The following EPHA4 variants were observed in gnomAD, a reference collection of about 807,000 sequenced individuals.
EPHA4 encodes EPH receptor A4, also known as ephrin type-A receptor 4.
EPHA4 carries 19 observed loss-of-function variants against 108.3 expected under a neutral mutation model. The observed-to-expected ratio is 0.18, with a 90% CI of 0.12 to 0.26. The LOEUF (loss-of-function observed/expected upper bound fraction) is 0.26. Among genes scored for constraint, EPHA4 ranks in the 10% least tolerant of loss-of-function variants. The probability of loss-of-function intolerance (pLI) is 1.00; values close to 1 mark genes in which losing one functional copy is unlikely to be tolerated. For synonymous variants in EPHA4, 449 were observed against 455.5 expected (o/e 0.99, Z 0.18); for missense variants, 917 against 1,254.0 (o/e 0.73, Z 4.06).
chr2:221,556,458 A>G (rs1245145040), intron 3 of EPHA4, among the ~76,000 whole-genome samples: 24 of 148,130 alleles, frequency 1.6e-4, no homozygotes, highest in Non-Finnish European at 7.4e-5. Context: ...CACCATGCCC[A>G]GCTAATTTTT....
intron 3 of EPHA4, among the ~76,000 whole-genome samples, chr2:221,539,345 TACTC>T (rs1362966688): frequency 1.3e-5 from 2 of 152,180 alleles, no homozygotes; most frequent in Non-Finnish European, 2.9e-5. Flanking sequence ...GCAGAACAAT[TACTC>T]ACTGAGTAAT....
At chr2:221,524,357 G>A (rs1693261374) in intron 3 of EPHA4, among the ~76,000 whole-genome samples, 1 of 152,346 alleles carries the variant, frequency 6.6e-6, no homozygotes, top group African/African-American at 2.4e-5. Context: ...AGTCAAGAGG[G>A]AAAGTGGTAA....
At position 221,571,146 on chromosome 2, in the gene EPHA4, GCACA is replaced by G. The variant is rs749812049; in HGVS notation, c.91+1008_91+1011del. Among the ~76,000 whole-genome samples, 134 of 151,894 alleles carry G rather than the reference GCACA, an allele frequency of 8.8e-4. No individual in the cohort carries two copies. Among genetic ancestry groups the G allele is most frequent in the Non-Finnish European group, 1.6e-3 (111 of 67,936 alleles). ...TACATACACGCAGTTGCACGCGCGC[GCACA>G]CACACAGGCACACACACGCAGACAT... On this transcript the variant is annotated intron_variant, in intron 1 of 17. Transcript: ENST00000281821. This position sits in a 1 kb window ranked among gnomAD's most constrained non-coding sequence, Gnocchi z 6.3.
chr2:221,499,715 A>AATATATATAT (rs369326575), intron 4 of EPHA4, among the ~76,000 whole-genome samples: 4 of 48,450 alleles, frequency 8.3e-5, no homozygotes, highest in East Asian at 7.4e-4. Flanking sequence ...AACTAAAACT[A>AATATATATAT]ATATATATAT....
intron 2 of EPHA4, 48 bp from the exon 3 acceptor site, chr2:221,564,442 A>G (rs1247654992): frequency 6.4e-7 from 1 of 1,552,708 alleles, no homozygotes; most frequent in African/African-American, 1.4e-5. Flanking sequence ...TTCATCATGC[A>G]GTGATTTGTC....
intron 3 of EPHA4, among the ~76,000 whole-genome samples, chr2:221,534,189 G>A (rs576627427): frequency 6.6e-6 from 1 of 152,092 alleles, no homozygotes; most frequent in Admixed American, 6.6e-5. Context: ...TTTAAGAATG[G>A]CCTGCAAGTA....
At chr2:221,483,763 G>C (rs1295144974) in intron 4 of EPHA4, among the ~76,000 whole-genome samples, 1 of 152,118 alleles carries the variant, frequency 6.6e-6, no homozygotes, top group Non-Finnish European at 1.5e-5. Context: ...GCCTCCCAAA[G>C]TGCTGGGATT....
At chr2:221,562,038 T>C (rs550362959) in intron 3 of EPHA4, among the ~76,000 whole-genome samples, 3 of 152,314 alleles carry the variant, frequency 2.0e-5, no homozygotes, top group East Asian at 3.9e-4. Flanking sequence ...CCAGTAACAA[T>C]GCACTCACAT....
At chr2:221,442,578 C>G (rs912812495) in intron 11 of EPHA4, among the ~76,000 whole-genome samples, 1 of 152,174 alleles carries the variant, frequency 6.6e-6, no homozygotes, top group South Asian at 2.1e-4. Flanking sequence ...TGAAGGATGG[C>G]ATGGCATACC....
At chr2:221,513,295 C>G (rs1414830374) in intron 3 of EPHA4, among the ~76,000 whole-genome samples, 1 of 152,208 alleles carries the variant, frequency 6.6e-6, no homozygotes, top group African/African-American at 2.4e-5. Context: ...AAAGGCACTA[C>G]AGAGGCCTGG....
At chr2:221,459,063 C>G (rs1691056326) in intron 5 of EPHA4, among the ~76,000 whole-genome samples, 1 of 152,114 alleles carries the variant, frequency 6.6e-6, no homozygotes, top group Admixed American at 6.5e-5. Context: ...CCCCTAACTC[C>G]AAGGAACAAA....
intron 5 of EPHA4, among the ~76,000 whole-genome samples, chr2:221,470,279 G>A (rs978507088): frequency 1.8e-4 from 27 of 150,698 alleles, no homozygotes; most frequent in African/African-American, 5.4e-4. Flanking sequence ...TGATGATCAC[G>A]GACAGTATAA....
Position 221,501,062 on chromosome 2 carries a change from C to G in EPHA4, c.934G>C (p.Gly312Arg). Residue 312 changes from glycine to arginine, a missense_variant, in exon 4 of 18, where the codon GGC becomes CGC. Gly to Arg is a moderately radical substitution (Grantham distance 125, BLOSUM62 -2). Transcript: ENST00000281821. ...GCATCGTTGTCAGCTCTGAAAAAGC[C>G]TCGGTCACAGGTGCACGAGGTGGCT... ...EGATSCTCDR[G>R]FFRADNDAAS... 6.2e-7 allele frequency: 1 copy of G among 1,613,156 alleles called. No individual in the cohort carries two copies. Among genetic ancestry groups the G allele is most frequent in the Non-Finnish European group, 8.5e-7 (1 of 1,179,562 alleles).
In EPHA4 at chr2:221,564,034, C is replaced by G; in HGVS notation, c.520G>C (p.Gly174Arg). The G allele has an allele frequency of 1.2e-6, 2 of 1,614,040 alleles. No homozygotes were observed. Among genetic ancestry groups the G allele is most frequent in the Non-Finnish European group, 1.7e-6 (2 of 1,180,000 alleles). Residue 174 changes from glycine (G) to arginine (R), a missense_variant, in exon 3 of 18, where the codon GGG becomes CGG. This residue lies in a region of EPHA4 where 758 missense variants were observed against 1,076.7 expected (regional missense o/e 0.70). Coordinates refer to ENST00000281821, the MANE Select transcript of EPHA4 (RefSeq NM_004438.5). Reference sequence around the variant, plus strand: ...TAAAACCCCTTTTTGCTTAATGGCCCTACATCCCGGATCTCGGTGTTCAGC... The same window carrying G: ...TAAAACCCCTTTTTGCTTAATGGCCGTACATCCCGGATCTCGGTGTTCAGC... ...MKLNTEIRDV[G>R]PLSKKGFYLA...
chr2:221,523,445 G>A (rs548290773), intron 3 of EPHA4, among the ~76,000 whole-genome samples: 3 of 151,972 alleles, frequency 2.0e-5, no homozygotes, highest in African/African-American at 2.4e-5. Context: ...GTGCCACCAC[G>A]CCCAGCTAAT....
intron 3 of EPHA4, among the ~76,000 whole-genome samples, chr2:221,553,826 C>T (rs1053556408): frequency 9.9e-5 from 15 of 152,128 alleles, no homozygotes; most frequent in Admixed American, 3.9e-4. Flanking sequence ...GTTTACATTG[C>T]CATTTGCCTT....
At chr2:221,486,875 T>C (rs1345804614) in intron 4 of EPHA4, among the ~76,000 whole-genome samples, 1 of 152,102 alleles carries the variant, frequency 6.6e-6, no homozygotes, top group Non-Finnish European at 1.5e-5. Context: ...TAAAAACTAA[T>C]GAAGTCCTTT....
In EPHA4 at chr2:221,439,353, G is replaced by A. The variant is rs140204829; in HGVS notation, c.2075-2231C>T. On this transcript the variant is annotated intron_variant, in intron 11 of 17. Coordinates refer to ENST00000281821, the MANE Select transcript of EPHA4 (RefSeq NM_004438.5). ...CTCAAAAAAAAAAAAAAAAATTGCC[G>A]GATGCAGTGGTGCACACCTGTAGTC... Among the ~76,000 whole-genome samples, 28 of 149,814 alleles carry A rather than the reference G, an allele frequency of 1.9e-4. No homozygotes were observed. The East Asian group carries it at 4.9e-3, about 26-fold the overall frequency.
chr2:221,492,269 T>C (rs1277666836), intron 4 of EPHA4, among the ~76,000 whole-genome samples: 3 of 152,182 alleles, frequency 2.0e-5, no homozygotes, highest in African/African-American at 7.2e-5. Context: ...TTAGTGTCCC[T>C]CGAATCTTTG....
Sources: gnomAD v4.1 joint callset for allele counts (sites outside exome capture counted in the v4.1 genomes callset) on GRCh38, gnomAD v4.1.1 for gene constraint, gnomAD v4.1.1 regional missense constraint, Gnocchi (gnomAD v3.1) non-coding constraint, MANE v1.5 for transcripts, NCBI Gene and HGNC (gene_info 2026-07-23, HGNC 2026-07-21) for gene names.